SGCD: variants seen among roughly 807,000 people sequenced by gnomAD.
SGCD encodes delta-sarcoglycan.
Under a neutral mutation model 36.6 loss-of-function variants are expected in SGCD, and 18 were observed. That is an observed-to-expected ratio of 0.49 (90% CI 0.34 to 0.73). The LOEUF is 0.73. SGCD is among the 30% of genes least tolerant of loss of function. The probability of loss-of-function intolerance (pLI) is 0.01; values close to 1 mark genes in which losing one functional copy is unlikely to be tolerated. For missense variants in SGCD, 387 were observed against 346.7 expected (o/e 1.12, Z -0.92); for synonymous variants, 133 against 130.6 (o/e 1.02, Z -0.12).
chr5:156,508,837 C>T, intron 4 of SGCD, 135 bp downstream of exon 4: 1 of 542,538 alleles, frequency 1.8e-6, no homozygotes, highest in Non-Finnish European at 3.3e-6. Flanking sequence ...TTTGCTTTCT[C>T]TTCTGAATCT....
Position 156,762,769 on chromosome 5 carries a change from T to C in SGCD, c.*3379T>C, listed in dbSNP as rs879045964. ...CAGAGACTATGTATCCCACAAAGCA[T>C]AGATTACTTACTATTTAGTCCTTTA... On this transcript the variant is annotated 3_prime_UTR_variant, in exon 9 of 9. Coordinates refer to ENST00000337851, the MANE Select transcript of SGCD (RefSeq NM_000337.6). 1 of 152,466 alleles carries C rather than the reference T, an allele frequency of 6.6e-6. No individual in the cohort carries two copies. Among genetic ancestry groups the C allele is most frequent in the Non-Finnish European group, 1.5e-5 (1 of 68,038 alleles). The allele number at this position is 152,466 out of a possible 1,614,324, so 9.4% of individuals were successfully genotyped here.
intron 1 of SGCD, among the ~76,000 whole-genome samples, chr5:155,881,928 G>T (rs142409362): frequency 8.5e-5 from 13 of 152,176 alleles, no homozygotes; most frequent in African/African-American, 2.9e-4. Context: ...AGCAAGTCAG[G>T]CACATCTTGA....
intron 4 of SGCD, among the ~76,000 whole-genome samples, chr5:156,566,550 CT>C (rs909041628): frequency 2.0e-5 from 3 of 152,094 alleles, no homozygotes; most frequent in African/African-American, 7.2e-5. Context: ...CTTTGTACCC[CT>C]GGCATGATTT....
chr5:156,347,155 A>C (rs1231505508), intron 3 of SGCD, among the ~76,000 whole-genome samples: 1 of 152,174 alleles, frequency 6.6e-6, no homozygotes. Context: ...TCAGGAGAGC[A>C]AGATATAATC....
intron 3 of SGCD, among the ~76,000 whole-genome samples, chr5:156,394,444 GA>G (rs1771748808): frequency 6.6e-6 from 1 of 152,040 alleles, no homozygotes; most frequent in Admixed American, 6.5e-5. Context: ...GACAATACGA[GA>G]GATTGTAAGA....
At chr5:156,708,147 T>C (rs894121668) in intron 7 of SGCD, among the ~76,000 whole-genome samples, 2 of 152,196 alleles carry the variant, frequency 1.3e-5, no homozygotes, top group Non-Finnish European at 2.9e-5. Context: ...TGGTATGTAA[T>C]AGCTTCTAGA....
At chr5:155,972,855 C>G (rs1284100828) in intron 1 of SGCD, among the ~76,000 whole-genome samples, 17 of 152,076 alleles carry the variant, frequency 1.1e-4, no homozygotes, top group Non-Finnish European at 2.9e-5. Context: ...CTGTCATTCA[C>G]CTTTTCGTTT....
chr5:156,341,319 T>TTTTTA (rs976288664), intron 2 of SGCD, among the ~76,000 whole-genome samples: 17 of 152,128 alleles, frequency 1.1e-4, no homozygotes, highest in Non-Finnish European at 2.1e-4. Flanking sequence ...CTTTTTTTAT[T>TTTTTA]TTTTATTTTA....
intron 4 of SGCD, among the ~76,000 whole-genome samples, chr5:156,576,169 G>A (rs1052549823): frequency 8.6e-5 from 13 of 151,638 alleles, no homozygotes; most frequent in Non-Finnish European, 1.9e-4. Flanking sequence ...GTGAGAACAT[G>A]CGGTGTTTGG....
chr5:156,256,307 C>T (rs936671082), intron 3 of SGCD, among the ~76,000 whole-genome samples: 5 of 152,278 alleles, frequency 3.3e-5, no homozygotes, highest in African/African-American at 4.8e-5. Flanking sequence ...TATTTCCCAG[C>T]GGAAATCTCC....
Position 156,056,655 on chromosome 5 carries a change from A to AAAAAAACAAAAAAC in SGCD, c.-281-61217_-281-61216insCAAAAAACAAAAAA, listed in dbSNP as rs1554115109. Among the ~76,000 whole-genome samples, 19 of 136,574 alleles carry AAAAAAACAAAAAAC rather than the reference A, an allele frequency of 1.4e-4. 1 individual carries two copies. The highest frequency in any genetic ancestry group is 3.8e-4 in the African/African-American group (13 of 34,484). The allele number at this position is 136,574 out of a possible 152,430, so 89.6% of individuals were successfully genotyped here. ...CTGCCAAATTATCCTTAAAAAAAAA[A>AAAAAAACAAAAAAC]AAAAAAAAAACAGTCTCCAAATTTT... On this transcript the variant is annotated intron_variant, in intron 1 of 9. Coordinates refer to the SGCD transcript ENST00000517913.
At chr5:156,328,383 A>G (rs775061026) in intron 1 of SGCD, among the ~76,000 whole-genome samples, 5 of 152,334 alleles carry the variant, frequency 3.3e-5, no homozygotes, top group South Asian at 4.1e-4. Flanking sequence ...GGGGAGATGG[A>G]TGAATGAATG....
chr5:156,275,746 A>G (rs987073244), intron 3 of SGCD, among the ~76,000 whole-genome samples: 5 of 151,946 alleles, frequency 3.3e-5, no homozygotes, highest in Non-Finnish European at 7.4e-5. Context: ...TGCTACACCT[A>G]CTCTTACTTA....
the SGCD span, among the ~76,000 whole-genome samples, chr5:155,749,783 AATCT>A: frequency 2.6e-5 from 4 of 152,190 alleles, no homozygotes; most frequent in African/African-American, 9.7e-5. Context: ...ATCTCACTGT[AATCT>A]ATCCCACATT....
the SGCD span, among the ~76,000 whole-genome samples, chr5:155,730,271 C>T: frequency 6.6e-6 from 1 of 152,064 alleles, no homozygotes; most frequent in African/African-American, 2.4e-5. Flanking sequence ...AGCTGTGGCC[C>T]CTCCAAAGCA....
Position 156,210,208 on chromosome 5 carries a change from T to A in SGCD, c.-44+86189T>A, listed in dbSNP as rs1176937723. 3.2e-3 allele frequency among the ~76,000 whole-genome samples: 489 copies of A among 152,192 alleles called. 4 individuals carry two copies. The highest frequency in any genetic ancestry group is 3.1e-3 in the Non-Finnish European group (210 of 68,000). The stretch of plus-strand genomic sequence containing the variant: ...ACCCAGGCAATAGGCACCCATCTGC[T>A]CACCTAGGCCAGCCTGCTTAAAAAG... On this transcript the variant is annotated intron_variant, in intron 3 of 9. Coordinates refer to the SGCD transcript ENST00000517913.
rs773178043 is a variant in SGCD, at chr5:156,508,611, G to C, written c.203G>C (p.Gly68Ala). ...KVMNFTIDGM[G>A]NLRITEKGLK... ...TGTGTTCTATTTCAGGATGGAATGG[G>C]AAACCTGAGGATCACAGAAAAAGGT... Residue 68 changes from glycine to alanine, a missense_variant, in exon 4 of 9, where the codon GGA (glycine) becomes GCA (alanine). Gly to Ala is a moderately conservative substitution (Grantham distance 60). Transcript: ENST00000337851. 1 of 1,605,186 alleles carries C rather than the reference G, an allele frequency of 6.2e-7. No individual in the cohort carries two copies. Among genetic ancestry groups the C allele is most frequent in the South Asian group, 1.1e-5 (1 of 90,726 alleles).
intron 3 of SGCD, among the ~76,000 whole-genome samples, chr5:156,285,292 A>G (rs1766563668): frequency 6.6e-6 from 1 of 152,180 alleles, no homozygotes; most frequent in Non-Finnish European, 1.5e-5. Context: ...CAAGCTACCA[A>G]TGACTTTTTT....
At chr5:156,186,915 CAT>C (rs1763775083) in intron 3 of SGCD, among the ~76,000 whole-genome samples, 1 of 152,166 alleles carries the variant, frequency 6.6e-6, no homozygotes, top group African/African-American at 2.4e-5. Flanking sequence ...GGCCTTTACT[CAT>C]GAGTAATATT....
Sources: allele counts gnomAD v4.1 joint callset (sites outside exome capture counted in the v4.1 genomes callset), GRCh38; gene constraint gnomAD v4.1.1; transcripts MANE v1.5; gene names NCBI Gene and HGNC (gene_info 2026-07-23, HGNC 2026-07-21).